The following CPVL variants were observed in gnomAD, a reference collection of about 807,000 sequenced individuals.
CPVL encodes the protein probable serine carboxypeptidase CPVL.
Under a neutral mutation model 63.7 loss-of-function variants are expected in CPVL, and 51 were observed. That is an observed-to-expected ratio of 0.80 (90% CI 0.64 to 1.01). The LOEUF (loss-of-function observed/expected upper bound fraction) is 1.01, where lower values mean the gene tolerates loss of function less well. Ranked by LOEUF, CPVL falls within the 50% of genes least tolerant of loss-of-function variation. The probability of loss-of-function intolerance (pLI) is 0.00; values close to 1 mark genes in which losing one functional copy is unlikely to be tolerated. For missense variants in CPVL, 530 were observed against 573.1 expected (o/e 0.92, Z 0.77); for synonymous variants, 195 against 206.0 (o/e 0.95, Z 0.46).
intron 1 of CPVL, among the ~76,000 whole-genome samples, chr7:29,187,285 T>C (rs921658774): frequency 9.9e-5 from 15 of 152,094 alleles, no homozygotes; most frequent in African/African-American, 3.6e-4. Flanking sequence ...CCAATGGGAC[T>C]GGGTGGGGAA....
intron 11 of CPVL, among the ~76,000 whole-genome samples, chr7:29,049,922 G>C (rs1209977259): frequency 6.6e-6 from 1 of 152,132 alleles, no homozygotes; most frequent in Admixed American, 6.6e-5. Context: ...AAAATCACAT[G>C]ATCATCTCAA....
rs1393272699 is a variant in CPVL at position 29,071,665 on chromosome 7, C to T, written c.864+108G>A. The T allele has an allele frequency of 3.2e-6, 4 of 1,262,052 alleles. No homozygotes were observed. In the South Asian group the frequency reaches 4.4e-5, roughly 14 times the overall value. 78.2% of individuals were successfully genotyped at this position (1,262,052 alleles called of 1,614,324 possible). A position where few individuals can be genotyped will look rare whatever the true frequency, so the allele number is the denominator to read the frequency against. Reference sequence around the variant, plus strand: ...GATCTCCAATGGAATAACAGATATACCTTCTTAACAAAAAAATGCCTGAGC... The same window carrying T: ...GATCTCCAATGGAATAACAGATATATCTTCTTAACAAAAAAATGCCTGAGC... On this transcript the variant is annotated intron_variant, in intron 9 of 12. Coordinates refer to ENST00000265394, the MANE Select transcript of CPVL (RefSeq NM_031311.5).
intron 1 of CPVL, among the ~76,000 whole-genome samples, chr7:29,135,894 T>C (rs1032049206): frequency 1.3e-5 from 2 of 152,152 alleles, no homozygotes; most frequent in African/African-American, 4.8e-5. Context: ...AATTTAATTT[T>C]TTTCACCTCA....
Position 29,168,213 on chromosome 7 carries a change from T to G in CPVL, c.-11+13077A>C, listed in dbSNP as rs13225290. Among the ~76,000 whole-genome samples, 111 of 152,202 alleles carry G rather than the reference T, an allele frequency of 7.3e-4. 1 individual carries two copies. Among genetic ancestry groups the G allele is most frequent in the Non-Finnish European group, 1.2e-4 (8 of 68,006 alleles). On this transcript the variant is annotated intron_variant, in intron 5 of 16. Coordinates refer to the CPVL transcript ENST00000409850. Reference sequence around the variant, plus strand: ...GGGCATTTTTTTATTTCATAAAATGTCGGTTTATTTGTTTGTTTAAACCAT... The same window carrying G: ...GGGCATTTTTTTATTTCATAAAATGGCGGTTTATTTGTTTGTTTAAACCAT...
intron 7 of CPVL, among the ~76,000 whole-genome samples, chr7:29,073,537 T>C (rs969885008): frequency 2.1e-4 from 32 of 152,286 alleles, no homozygotes; most frequent in African/African-American, 7.7e-4. Context: ...TTCCAGCCCA[T>C]TGGGTTCCAT....
intron 1 of CPVL, among the ~76,000 whole-genome samples, chr7:29,129,549 A>G (rs553296234): frequency 6.6e-6 from 1 of 151,132 alleles, no homozygotes; most frequent in South Asian, 2.1e-4. Flanking sequence ...AGCTCATGCA[A>G]CCTCTGCCTC....
At chr7:29,121,609 A>C (rs940089525) in intron 1 of CPVL, among the ~76,000 whole-genome samples, 2 of 152,244 alleles carry the variant, frequency 1.3e-5, no homozygotes, top group Non-Finnish European at 2.9e-5. Context: ...TTTCAGGCCG[A>C]AAGATCACAG....
rs140005198 is a variant in CPVL, at chr7:29,033,736, G to A, written c.1138-2977C>T. On this transcript the variant is annotated intron_variant, in intron 11 of 12. Coordinates refer to ENST00000265394, the MANE Select transcript of CPVL (RefSeq NM_031311.5). ...GAGCTGGTTGGAGTTGGTCTCCAGC[G>A]ACGTACTAGGCAGTGCCCTGAACAT... 5.9e-5 allele frequency among the ~76,000 whole-genome samples: 9 copies of A among 152,310 alleles called. No individual in the cohort carries two copies. In the East Asian group the frequency reaches 7.7e-4, roughly 13 times the overall value.
intron 3 of CPVL, among the ~76,000 whole-genome samples, chr7:29,103,411 A>ATTTTT (rs551627609): frequency 0.072 from 9,728 of 134,714 alleles, 670 homozygotes; most frequent in Non-Finnish European, 0.082. Context: ...ATGCTCAGCT[A>ATTTTT]TTTTTTTTTT....
intron 7 of CPVL, among the ~76,000 whole-genome samples, chr7:29,077,373 T>A (rs1042049857): frequency 6.6e-6 from 1 of 151,950 alleles, no homozygotes; most frequent in African/African-American, 2.4e-5. Flanking sequence ...GGTGAAAAAA[T>A]TCAGAACTTT....
At chr7:29,036,907 T>C (rs1340694463) in intron 11 of CPVL, among the ~76,000 whole-genome samples, 1 of 152,068 alleles carries the variant, frequency 6.6e-6, no homozygotes, top group Non-Finnish European at 1.5e-5. Flanking sequence ...TGTAAGGAGG[T>C]AAGTCAGTGT....
At position 29,180,484 on chromosome 7, in the gene CPVL, G is replaced by A. The variant is rs529011732; in HGVS notation, c.-11+806C>T. 2.6e-4 allele frequency among the ~76,000 whole-genome samples: 40 copies of A among 151,794 alleles called. No homozygotes were observed. The East Asian group carries it at 6.6e-3, about 25-fold the overall frequency. On this transcript the variant is annotated intron_variant, in intron 5 of 16. Transcript: ENST00000409850. ...GGAGGTTGCAGTGAGCCGAGATCGCGCCACTGCACTGGGCGACAGAGCGAC... is the reference window on the plus strand; with the variant it reads ...GGAGGTTGCAGTGAGCCGAGATCGCACCACTGCACTGGGCGACAGAGCGAC...
intron 11 of CPVL, among the ~76,000 whole-genome samples, chr7:29,045,947 T>C (rs958184244): frequency 3.9e-5 from 6 of 152,210 alleles, no homozygotes; most frequent in Non-Finnish European, 5.9e-5. Context: ...GGTGTTAAGA[T>C]TTCAGTCTGG....
upstream of CPVL, among the ~76,000 whole-genome samples, chr7:29,150,781 A>G (rs753092796): frequency 9.2e-5 from 14 of 152,166 alleles, no homozygotes; most frequent in Non-Finnish European, 1.3e-4. Flanking sequence ...GTTGTTACTG[A>G]TCTTCAATGG....
chr7:29,157,065 G>A (rs760863866), intron 5 of CPVL, among the ~76,000 whole-genome samples: 2 of 152,122 alleles, frequency 1.3e-5, no homozygotes, highest in Non-Finnish European at 2.9e-5. Flanking sequence ...CAGCCTCCTA[G>A]CTGCACCGAC....
intron 2 of CPVL, among the ~76,000 whole-genome samples, chr7:29,116,533 A>G (rs369632925): frequency 2.6e-5 from 4 of 152,354 alleles, no homozygotes; most frequent in East Asian, 3.9e-4. Flanking sequence ...TGCTGCAACC[A>G]ATGTTTGTGA....
intron 6 of CPVL, among the ~76,000 whole-genome samples, chr7:29,091,410 G>A (rs1389027147): frequency 6.6e-6 from 1 of 152,106 alleles, no homozygotes; most frequent in African/African-American, 2.4e-5. Context: ...GATGGGAGGT[G>A]GGGGCGGGGA....
At chr7:29,172,776 C>CT (rs1197123798) in intron 5 of CPVL, among the ~76,000 whole-genome samples, 1 of 151,494 alleles carries the variant, frequency 6.6e-6, no homozygotes, top group Admixed American at 6.6e-5. Context: ...TATTATAAAA[C>CT]TTTTTTTTTC....
chr7:29,023,211 A>G (rs545192216), intron 12 of CPVL, among the ~76,000 whole-genome samples: 6 of 152,210 alleles, frequency 3.9e-5, no homozygotes, highest in South Asian at 2.1e-4. Context: ...TAATAAAGAC[A>G]TACCTGAGAC....
Sources: allele counts gnomAD v4.1 joint callset (sites outside exome capture counted in the v4.1 genomes callset), GRCh38; gene constraint gnomAD v4.1.1; transcripts MANE v1.5; gene names NCBI Gene and HGNC (gene_info 2026-07-23, HGNC 2026-07-21).